The following PCM1 variants were observed in gnomAD, a reference collection of about 807,000 sequenced individuals.
The protein encoded by PCM1 is pericentriolar material 1 protein.
A neutral mutation model predicts 241.9 loss-of-function variants in PCM1; 157 were observed. The observed-to-expected ratio is 0.65, with a 90% confidence interval of 0.57 to 0.74. The LOEUF is 0.74. PCM1 is among the 30% of genes least tolerant of loss of function. The pLI is 0.00. For missense variants in PCM1, 3,478 were observed against 2,360.1 expected, an observed-to-expected ratio of 1.47 and a Z score of -9.81; for synonymous variants, 1,085 against 784.9, an observed-to-expected ratio of 1.38 and a Z score of -6.39.
chr8:17,938,480 G>A (rs930012248), intron 4 of PCM1, among the ~76,000 whole-genome samples: 2 of 152,142 alleles, frequency 1.3e-5, no homozygotes, highest in Admixed American at 1.3e-4. Flanking sequence ...TACTCAAGCT[G>A]TACTTCATTT....
intron 29 of PCM1, among the ~76,000 whole-genome samples, chr8:18,004,561 G>T (rs1401107179): frequency 6.6e-6 from 1 of 152,114 alleles, no homozygotes; most frequent in African/African-American, 2.4e-5. Context: ...AAGTGTCTGA[G>T]GCCAGTAAAG....
chr8:18,025,667 T>G lies in PCM1; in HGVS notation c.6049+9T>G, dbSNP rs2094138296. The G allele has an allele frequency of 2.8e-6, 4 of 1,439,172 alleles. No homozygotes were observed. The Middle Eastern group carries it at 5.4e-4, about 196-fold the overall frequency. The allele number at this position is 1,439,172 out of a possible 1,614,324, so 89.2% of individuals were successfully genotyped here. A position where few individuals can be genotyped will look rare whatever the true frequency, so the allele number is the denominator to read the frequency against. On this transcript the variant is annotated intron_variant, in intron 38 of 38. Transcript: ENST00000325083. The stretch of plus-strand genomic sequence containing the variant: ...GACACTAAAAGAACCTGGTAAGAGT[T>G]ATCAATTTAAATCTTGCCATATTGA...
chr8:17,927,131 T>TG (rs2057305010), intron 2 of PCM1: 1 of 151,014 alleles, frequency 6.6e-6, no homozygotes, highest in African/African-American at 2.4e-5. Context: ...TTGATTTTTT[T>TG]TTTTTTTTTT....
At chr8:17,975,337 AT>A (rs1486979902) in intron 23 of PCM1, among the ~76,000 whole-genome samples, 1 of 151,928 alleles carries the variant, frequency 6.6e-6, no homozygotes, top group Non-Finnish European at 1.5e-5. Context: ...CTAATTTTGT[AT>A]TTTTAGTAGA....
intron 2 of PCM1, among the ~76,000 whole-genome samples, chr8:17,931,412 C>T (rs1285759275): frequency 6.6e-6 from 1 of 152,196 alleles, no homozygotes; most frequent in Non-Finnish European, 1.5e-5. Context: ...CTTCAGCCTC[C>T]TGAGTAACTA....
At chr8:17,935,020 C>G (rs1460167883) in intron 2 of PCM1, among the ~76,000 whole-genome samples, 4 of 151,870 alleles carry the variant, frequency 2.6e-5, no homozygotes, top group Non-Finnish European at 5.9e-5. Flanking sequence ...TGTCTTCTAG[C>G]CACTGCACTT....
intron 21 of PCM1, among the ~76,000 whole-genome samples, chr8:17,968,730 ATGTGTGTGTGTGTGTGTGTG>A (rs551909289): frequency 7.4e-6 from 1 of 134,672 alleles, no homozygotes; most frequent in South Asian, 2.3e-4. Flanking sequence ...GGATGTATAT[ATGTGTGTGTGTGTGTGTGTG>A]TGTGTGTGTG....
chr8:17,961,411 C>T (rs897778759), intron 15 of PCM1, among the ~76,000 whole-genome samples: 4 of 141,732 alleles, frequency 2.8e-5, no homozygotes, highest in Non-Finnish European at 6.0e-5. Flanking sequence ...CCTGGGTTCA[C>T]GCCATTCTCC....
In PCM1 at chr8:17,963,206, G is replaced by C. The variant is rs921074088; in HGVS notation, c.2569G>C (p.Ala857Pro). 4 of 1,613,720 alleles carry C rather than the reference G, an allele frequency of 2.5e-6. No homozygotes were observed. The highest frequency in any genetic ancestry group is 2.2e-5 in the East Asian group (1 of 44,850). The change falls in exon 17 of 39, where the codon GCT (alanine) becomes CCT (proline). Residue 857 changes from alanine to proline, a missense_variant. Transcript: ENST00000325083. Reference sequence around the variant, plus strand: ...TGAACATCAGAGGAGGCAAGGTCTAGCTGAAACTGCATCTCCAGTGGCTGT... The same window carrying C: ...TGAACATCAGAGGAGGCAAGGTCTACCTGAAACTGCATCTCCAGTGGCTGT... ...MAEHQRRQGL[A>P]ETASPVAVSL...
At chr8:17,945,861 G>A (rs1040923713) in intron 6 of PCM1, among the ~76,000 whole-genome samples, 1 of 151,900 alleles carries the variant, frequency 6.6e-6, no homozygotes, top group Non-Finnish European at 1.5e-5. Flanking sequence ...TACATAACCC[G>A]ACAAAAATTT....
chr8:17,984,318 T>A (rs1172997925), intron 24 of PCM1, among the ~76,000 whole-genome samples: 2 of 151,938 alleles, frequency 1.3e-5, no homozygotes, highest in African/African-American at 4.8e-5. Flanking sequence ...TTACCTGGAT[T>A]TTTCCCATTA....
intron 38 of PCM1, 121 bp from the exon 39 acceptor site, chr8:18,027,516 A>G (rs1414238103): frequency 4.9e-6 from 3 of 614,796 alleles, no homozygotes; most frequent in South Asian, 6.4e-5. Flanking sequence ...TTAGCAAGCT[A>G]ATTTAGGATT....
chr8:17,971,614 C>G (rs1483029780), intron 22 of PCM1, among the ~76,000 whole-genome samples: 1 of 152,216 alleles, frequency 6.6e-6, no homozygotes, highest in Non-Finnish European at 1.5e-5. Flanking sequence ...TCACCAAATT[C>G]TTGTTCTACT....
In PCM1 at chr8:17,985,459, A is replaced by AT; in HGVS notation, c.4126dup (p.Ser1376PhefsTer4). 1 of 1,554,282 alleles carries AT rather than the reference A, an allele frequency of 6.4e-7. No individual in the cohort carries two copies. Among genetic ancestry groups the AT allele is most frequent in the Admixed American group, 2.0e-5 (1 of 50,798 alleles). ...TTATGTATTCCAGAAACTGGGAGTG[A>AT]TTTTTCCATGTTTGAAGCTTTGCGA... On this transcript the variant is annotated frameshift_variant, in exon 25 of 39. Coordinates refer to ENST00000325083, the MANE Select transcript of PCM1 (RefSeq NM_006197.4). LOFTEE classifies it high-confidence loss of function.
At chr8:17,926,392 G>T (rs2056965325) in intron 2 of PCM1, 1 of 152,176 alleles carries the variant, frequency 6.6e-6, no homozygotes, top group African/African-American at 2.4e-5. Context: ...CATTTTTACG[G>T]ATTTGAGTGC....
rs1554688770 is a variant in PCM1, at chr8:17,968,762, G to GTA, written c.3413-800_3413-799dup. On this transcript the variant is annotated intron_variant, in intron 21 of 38. Coordinates refer to ENST00000325083, the MANE Select transcript of PCM1 (RefSeq NM_006197.4). The stretch of plus-strand genomic sequence containing the variant: ...TGTGTGTGTGTGTGTGTGTGTGTGT[G>GTA]TATATATATATATATACACACCACA... 3.8e-3 allele frequency among the ~76,000 whole-genome samples: 520 copies of GTA among 136,734 alleles called. 4 individuals are homozygous for GTA. Among genetic ancestry groups the GTA allele is most frequent in the African/African-American group, 7.0e-3 (254 of 36,442 alleles). 89.7% of individuals were successfully genotyped at this position (136,734 alleles called of 152,430 possible). A position where few individuals can be genotyped will look rare whatever the true frequency, so the allele number is the denominator to read the frequency against.
At chr8:17,948,145 A>C (rs185788267) in intron 7 of PCM1, among the ~76,000 whole-genome samples, 225 of 152,152 alleles carry the variant, frequency 1.5e-3, no homozygotes, top group African/African-American at 5.2e-3. Context: ...TGTTTTTGCG[A>C]GTGAGTTAGG....
intron 38 of PCM1, 145 bp from the exon 39 acceptor site, chr8:18,027,492 A>G (rs191748155): frequency 5.3e-5 from 28 of 523,554 alleles, no homozygotes; most frequent in African/African-American, 3.6e-4. Flanking sequence ...ACTGTGTGCT[A>G]TTAGGGAATT....
In PCM1 at chr8:18,013,945, A is replaced by C; in HGVS notation, c.5512-19A>C. 6.5e-7 allele frequency: 1 copy of C among 1,536,590 alleles called. No individual in the cohort carries two copies. The highest frequency in any genetic ancestry group is 8.9e-7 in the Non-Finnish European group (1 of 1,121,880). Reference sequence around the variant, plus strand: ...CCATATATTTCAGGCCCTGCTATTAAAACATTTTTCCCTTCTAGGTCCTAC... The same window carrying C: ...CCATATATTTCAGGCCCTGCTATTACAACATTTTTCCCTTCTAGGTCCTAC... On this transcript the variant is annotated intron_variant, in intron 34 of 38. Coordinates refer to ENST00000325083, the MANE Select transcript of PCM1 (RefSeq NM_006197.4).
Sources: allele counts gnomAD v4.1 joint callset (sites outside exome capture counted in the v4.1 genomes callset), GRCh38; gene constraint gnomAD v4.1.1; transcripts MANE v1.5; gene names NCBI Gene and HGNC (gene_info 2026-07-23, HGNC 2026-07-21).